TRPC1: variants seen among roughly 807,000 people sequenced by gnomAD.
TRPC1 encodes the protein short transient receptor potential channel 1.
Under a neutral mutation model 88.2 loss-of-function variants are expected in TRPC1, and 42 were observed. That is an observed-to-expected ratio of 0.48 (90% CI 0.37 to 0.62). The LOEUF is 0.62. Among genes scored for constraint, TRPC1 ranks in the 20% least tolerant of loss-of-function variants. The probability of loss-of-function intolerance (pLI) is 0.00; values close to 1 mark genes in which losing one functional copy is unlikely to be tolerated. For synonymous variants in TRPC1, 288 were observed against 331.8 expected, an observed-to-expected ratio of 0.87 and a Z score of 1.43; for missense variants, 699 against 957.3, an observed-to-expected ratio of 0.73 and a Z score of 3.56.
intron 3 of TRPC1, among the ~76,000 whole-genome samples, chr3:142,744,919 A>C (rs1392132035): frequency 6.6e-6 from 1 of 152,244 alleles, no homozygotes; most frequent in Non-Finnish European, 1.5e-5. Context: ...GCTGGCTATA[A>C]GCAGAAGAAA....
intron 4 of TRPC1, among the ~76,000 whole-genome samples, chr3:142,751,200 A>G (rs1054820039): frequency 1.3e-5 from 2 of 152,236 alleles, no homozygotes; most frequent in African/African-American, 4.8e-5. Context: ...GTAATGTTCT[A>G]GGCCTTCACA....
rs780701074 is a variant in TRPC1 at position 142,777,642 on chromosome 3, G to GAC, written c.644_645insCA (p.Arg218IlefsTer9). 6.3e-7 allele frequency: 1 copy of GAC among 1,598,656 alleles called. No homozygotes were observed. On this transcript the variant is annotated frameshift_variant, in exon 5 of 13. Coordinates refer to ENST00000476941, the MANE Select transcript of TRPC1 (RefSeq NM_001251845.2). LOFTEE classifies it high-confidence loss of function. ...CCAATTTTATCACAGGTTTCGTCTT[G>GAC]ATATATATCGATGTTTGGCCAGTCC...
chr3:142,746,836 C>T (rs567615028), intron 3 of TRPC1, among the ~76,000 whole-genome samples: 2 of 150,568 alleles, frequency 1.3e-5, no homozygotes, highest in African/African-American at 2.4e-5. Flanking sequence ...CCAGCCTGGG[C>T]GAAAGAGCGA....
At chr3:142,779,713 C>A (rs949794350) in intron 5 of TRPC1, among the ~76,000 whole-genome samples, 4 of 152,116 alleles carry the variant, frequency 2.6e-5, no homozygotes, top group African/African-American at 9.7e-5. Context: ...GGGAAATCTT[C>A]CTGTTTCCCC....
At chr3:142,747,349 AAAGT>A (rs1212404433) in intron 3 of TRPC1, among the ~76,000 whole-genome samples, 6 of 152,342 alleles carry the variant, frequency 3.9e-5, no homozygotes, top group African/African-American at 7.2e-5. Context: ...TTGCAAAAAA[AAAGT>A]AAGTATTAGA....
chr3:142,796,813 A>C (rs1043997325), intron 9 of TRPC1, among the ~76,000 whole-genome samples: 2 of 152,104 alleles, frequency 1.3e-5, no homozygotes, highest in Non-Finnish European at 2.9e-5. Context: ...TGGCATTTAA[A>C]GTGTAGAGTG....
intron 7 of TRPC1, 135 bp from the exon 8 acceptor site, chr3:142,790,884 G>A: frequency 2.8e-6 from 2 of 704,390 alleles, no homozygotes; most frequent in Non-Finnish European, 3.9e-6. Flanking sequence ...TCACTAAAAT[G>A]TTTTTGGTTT....
intron 3 of TRPC1, 121 bp from the exon 4 acceptor site, chr3:142,748,137 T>A: frequency 1.1e-6 from 1 of 939,940 alleles, no homozygotes; most frequent in Non-Finnish European, 1.6e-6. Flanking sequence ...ATGTTTAACA[T>A]ATTCCTTAAA....
At chr3:142,756,602 G>A (rs149603721) in intron 4 of TRPC1, among the ~76,000 whole-genome samples, 1,657 of 151,982 alleles carry the variant, frequency 0.011, 34 homozygotes, top group African/African-American at 0.038. Context: ...CTCGTGATCC[G>A]CCTGCCTCGG....
chr3:142,746,401 A>G (rs987871537), intron 3 of TRPC1, among the ~76,000 whole-genome samples: 2 of 152,136 alleles, frequency 1.3e-5, no homozygotes, highest in Non-Finnish European at 1.5e-5. Flanking sequence ...CTCTTAAGGG[A>G]TTAAATATAT....
rs1421957348 is a variant in TRPC1 at position 142,777,649 on chromosome 3, A to T, written c.650A>T (p.Tyr217Phe). ...LRHSRFRLDI[Y>F]RCLASPALIM... ...TATCACAGGTTTCGTCTTGATATAT[A>T]TCGATGTTTGGCCAGTCCAGCTCTA... Residue 217 changes from tyrosine to phenylalanine, a missense_variant, in exon 5 of 13, where the codon TAT (tyrosine) becomes TTT (phenylalanine). This residue lies in a region of TRPC1 where 426 missense variants were observed against 641.3 expected (regional missense o/e 0.66). Coordinates refer to ENST00000476941, the MANE Select transcript of TRPC1 (RefSeq NM_001251845.2). 6.2e-7 allele frequency: 1 copy of T among 1,604,976 alleles called. No homozygotes were observed. Among genetic ancestry groups the T allele is most frequent in the Non-Finnish European group, 8.5e-7 (1 of 1,174,738 alleles).
intron 3 of TRPC1, 61 bp downstream of exon 3, chr3:142,743,647 A>C: frequency 1.9e-6 from 2 of 1,069,788 alleles, no homozygotes; most frequent in Non-Finnish European, 2.5e-6. Flanking sequence ...CTCTTGCCCC[A>C]TTGCCATTTT....
chr3:142,798,631 C>A (rs973390202), intron 9 of TRPC1, among the ~76,000 whole-genome samples: 2 of 152,038 alleles, frequency 1.3e-5, no homozygotes, highest in African/African-American at 4.8e-5. Context: ...ATAGTTGGAC[C>A]GTGGATTGGA....
At chr3:142,740,565 C>G (rs1934308903) in intron 2 of TRPC1, among the ~76,000 whole-genome samples, 2 of 152,122 alleles carry the variant, frequency 1.3e-5, no homozygotes, top group African/African-American at 4.8e-5. Flanking sequence ...TAATAAAGAG[C>G]ATTACATGGA....
intron 4 of TRPC1, among the ~76,000 whole-genome samples, chr3:142,769,079 A>C (rs118019586): frequency 3.9e-4 from 59 of 152,194 alleles, no homozygotes; most frequent in Non-Finnish European, 7.4e-4. Context: ...CAAGTCTACT[A>C]TCTGAAAATT....
chr3:142,787,423 T>C (rs941534091), intron 7 of TRPC1, among the ~76,000 whole-genome samples: 3 of 152,204 alleles, frequency 2.0e-5, no homozygotes, highest in African/African-American at 7.2e-5. Flanking sequence ...CCAATTTTTG[T>C]ATATTTGTTT....
intron 1 of TRPC1, among the ~76,000 whole-genome samples, chr3:142,726,575 T>C (rs1019884103): frequency 2.6e-5 from 4 of 152,202 alleles, no homozygotes; most frequent in Admixed American, 2.0e-4. Context: ...ATTTTCTGTT[T>C]CAGGTATGTC....
chr3:142,736,631 T>C, intron 2 of TRPC1, 98 bp downstream of exon 2: 2 of 1,096,468 alleles, frequency 1.8e-6, no homozygotes, highest in South Asian at 2.3e-5. Flanking sequence ...TTTCCTCCTC[T>C]TCTTCCTTTC....
chr3:142,776,702 A>AG lies in TRPC1; in HGVS notation c.633-929dup, dbSNP rs898537902. 3.3e-5 allele frequency among the ~76,000 whole-genome samples: 5 copies of AG among 150,966 alleles called. No individual in the cohort carries two copies. The highest frequency in any genetic ancestry group is 3.3e-4 in the Admixed American group (5 of 15,164). On this transcript the variant is annotated intron_variant, in intron 4 of 12. Coordinates refer to ENST00000476941, the MANE Select transcript of TRPC1 (RefSeq NM_001251845.2). The surrounding 1 kb of genome is among the most constrained non-coding windows in gnomAD (Gnocchi z 4.1). ...GCTGGATCACAAGGTCAGGAGATCGAGACGATCCTGGCCAACATGGTGAAA... is the reference window on the plus strand; with the variant it reads ...GCTGGATCACAAGGTCAGGAGATCGAGGACGATCCTGGCCAACATGGTGAAA...
Sources: allele counts gnomAD v4.1 joint callset (sites outside exome capture counted in the v4.1 genomes callset), GRCh38; gene constraint gnomAD v4.1.1; regional missense constraint gnomAD v4.1.1; non-coding constraint Gnocchi (gnomAD v3.1); transcripts MANE v1.5; gene names NCBI Gene and HGNC (gene_info 2026-07-23, HGNC 2026-07-21).